ZNF385D: variants seen among roughly 807,000 people sequenced by gnomAD.
ZNF385D encodes zinc finger protein 659.
In ZNF385D, 15 loss-of-function variants were observed where a neutral mutation model predicts 35.8. The ratio of observed to expected loss-of-function variants is 0.42; its 90% confidence interval spans 0.28 to 0.64. ZNF385D has a LOEUF of 0.64. ZNF385D is among the 30% of genes least tolerant of loss of function. The pLI is 0.23. For synonymous variants in ZNF385D, 212 were observed against 186.8 expected, an observed-to-expected ratio of 1.13 and a Z score of -1.10; for missense variants, 474 against 494.6, an observed-to-expected ratio of 0.96 and a Z score of 0.39.
At chr3:22,118,501 A>C (rs1292607247) in intron 3 of ZNF385D, among the ~76,000 whole-genome samples, 1 of 152,100 alleles carries the variant, frequency 6.6e-6, no homozygotes, top group Non-Finnish European at 1.5e-5. Flanking sequence ...ACATCTCCAA[A>C]GGGTGTTGCC....
intron 3 of ZNF385D, among the ~76,000 whole-genome samples, chr3:21,832,756 G>C (rs1220827058): frequency 1.3e-5 from 2 of 152,050 alleles, no homozygotes; most frequent in East Asian, 3.9e-4. Context: ...TCTGTTGTTG[G>C]GTGTGAAGTT....
At chr3:21,981,365 C>T (rs535644859) in intron 3 of ZNF385D, among the ~76,000 whole-genome samples, 2 of 151,990 alleles carry the variant, frequency 1.3e-5, no homozygotes, top group Admixed American at 1.3e-4. Context: ...GCCTGCATGT[C>T]TTCTTTTGAG....
At chr3:22,250,227 A>G (rs937270234) in intron 2 of ZNF385D, among the ~76,000 whole-genome samples, 40 of 152,096 alleles carry the variant, frequency 2.6e-4, no homozygotes, top group African/African-American at 9.4e-4. Flanking sequence ...TTCTTTATAG[A>G]TATATTTCCA....
chr3:22,107,026 G>GTTTTTTTTTTTTTTTTTTTTTTTTTT (rs10676871), intron 3 of ZNF385D, among the ~76,000 whole-genome samples: 1,702 of 118,580 alleles, frequency 0.014, 235 homozygotes, highest in Non-Finnish European at 0.022. Flanking sequence ...TGGAATGAGA[G>GTTTTTTTTTTTTTTTTTTTTTTTTTT]TTTTTTTTTT....
intron 3 of ZNF385D, among the ~76,000 whole-genome samples, chr3:22,008,963 G>C (rs1696390868): frequency 6.6e-6 from 1 of 150,948 alleles, no homozygotes; most frequent in Non-Finnish European, 1.5e-5. Context: ...AAAGAATATG[G>C]AAGGAAGAAA....
chr3:21,638,950 C>T (rs2065524219), intron 2 of ZNF385D, among the ~76,000 whole-genome samples: 1 of 152,040 alleles, frequency 6.6e-6, no homozygotes, highest in Non-Finnish European at 1.5e-5. Context: ...GAAATGGAAA[C>T]TCTGATACAG....
At chr3:21,481,442 G>C (rs566702874) in intron 4 of ZNF385D, among the ~76,000 whole-genome samples, 1 of 152,154 alleles carries the variant, frequency 6.6e-6, no homozygotes. Context: ...CCCCAGGCCA[G>C]TTTATTCTAT....
chr3:22,358,249 T>C (rs1393797127), intron 2 of ZNF385D, among the ~76,000 whole-genome samples: 2 of 151,898 alleles, frequency 1.3e-5, no homozygotes, highest in Non-Finnish European at 2.9e-5. Context: ...AGACAAAGCA[T>C]AGATACTGCC....
chr3:21,961,960 G>A, intron 3 of ZNF385D, among the ~76,000 whole-genome samples: 1 of 152,132 alleles, frequency 6.6e-6, no homozygotes, highest in East Asian at 1.9e-4. Context: ...AAGTGACATG[G>A]GTTTTCAGGA....
Position 21,505,825 on chromosome 3 carries a change from T to C in ZNF385D, c.439+5036A>G, listed in dbSNP as rs1277567003. On this transcript the variant is annotated intron_variant, in intron 4 of 7. Transcript: ENST00000281523. ...AAATGAACATGGGTCATATGTAACA[T>C]GAATGTTTCCTTAGTATGCATGCAT... is the stretch of plus-strand genomic sequence containing the variant. Among the ~76,000 whole-genome samples the C allele has an allele frequency of 3.9e-5, 6 of 152,194 alleles. No homozygotes were observed. The East Asian group carries it at 1.2e-3, about 29-fold the overall frequency.
intron 1 of ZNF385D, among the ~76,000 whole-genome samples, chr3:21,702,411 C>A (rs2067724106): frequency 6.6e-6 from 1 of 152,194 alleles, no homozygotes; most frequent in Non-Finnish European, 1.5e-5. Context: ...GAACCCTGGG[C>A]CCGGCCCATG....
intron 3 of ZNF385D, among the ~76,000 whole-genome samples, chr3:22,131,231 C>A (rs1397888178): frequency 1.3e-5 from 2 of 152,020 alleles, no homozygotes; most frequent in African/African-American, 4.8e-5. Context: ...ACGATGTGGT[C>A]AGGAAGACTG....
At chr3:21,819,384 G>C (rs1248873146) in intron 3 of ZNF385D, among the ~76,000 whole-genome samples, 6 of 150,826 alleles carry the variant, frequency 4.0e-5, no homozygotes, top group Non-Finnish European at 7.4e-5. Flanking sequence ...CCTAAAACAA[G>C]GTAACAGAAA....
intron 3 of ZNF385D, among the ~76,000 whole-genome samples, chr3:21,996,540 A>G (rs1695478373): frequency 6.6e-6 from 1 of 152,150 alleles, no homozygotes; most frequent in South Asian, 2.1e-4. Context: ...ACTGAAACTC[A>G]TATTTTGATA....
chr3:21,761,233 T>C (rs1490902631), intron 3 of ZNF385D, among the ~76,000 whole-genome samples: 1 of 152,182 alleles, frequency 6.6e-6, no homozygotes, highest in East Asian at 1.9e-4. Flanking sequence ...TAGTGCAAAT[T>C]CATGAGAGAC....
In ZNF385D at chr3:21,891,150, G is replaced by A. The variant is rs146945536; in HGVS notation, c.326-226122C>T. Among the ~76,000 whole-genome samples the A allele has an allele frequency of 5.3e-3, 805 of 152,092 alleles. 10 individuals carry two copies. Among genetic ancestry groups the A allele is most frequent in the African/African-American group, 0.018 (765 of 41,506 alleles). ...TTTTTATGAAAATAAAAGGATAGAG[G>A]GAAAGTGTTTATCTAATTATTGCTT... On this transcript the variant is annotated intron_variant, in intron 3 of 5. Transcript: ENST00000494108.
At chr3:22,365,382 T>C (rs1696607563) in intron 2 of ZNF385D, among the ~76,000 whole-genome samples, 1 of 152,104 alleles carries the variant, frequency 6.6e-6, no homozygotes, top group Non-Finnish European at 1.5e-5. Flanking sequence ...AAATGGTTCT[T>C]ACCTTTCTGG....
intron 3 of ZNF385D, among the ~76,000 whole-genome samples, chr3:21,969,371 G>A (rs1703103726): frequency 6.6e-6 from 1 of 152,242 alleles, no homozygotes; most frequent in Admixed American, 6.5e-5. Context: ...CACAAGATCT[G>A]ATGGTTTTAT....
chr3:21,747,471 A>G (rs1001341470), intron 1 of ZNF385D, among the ~76,000 whole-genome samples: 11 of 152,178 alleles, frequency 7.2e-5, no homozygotes, highest in South Asian at 2.1e-4. Flanking sequence ...TCAGCCTCCC[A>G]TTTTCTCTCC....
Sources: gnomAD v4.1 joint callset for allele counts (sites outside exome capture counted in the v4.1 genomes callset) on GRCh38, gnomAD v4.1.1 for gene constraint, MANE v1.5 for transcripts, NCBI Gene and HGNC (gene_info 2026-07-23, HGNC 2026-07-21) for gene names.